The following LPIN1 variants were observed in gnomAD, a reference collection of about 807,000 sequenced individuals.
LPIN1 encodes the protein phosphatidate phosphatase LPIN1.
In LPIN1, 71 loss-of-function variants were observed where a neutral mutation model predicts 107.5. That is an observed-to-expected ratio of 0.66 (90% CI 0.55 to 0.80). The LOEUF is 0.80. Ranked by LOEUF, LPIN1 falls within the 30% of genes least tolerant of loss-of-function variation. The pLI, the probability that LPIN1 is intolerant of heterozygous loss-of-function variation, is 0.00. For synonymous variants in LPIN1, 445 were observed against 452.6 expected (o/e 0.98, Z 0.21); for missense variants, 1,043 against 1,160.6 (o/e 0.90, Z 1.47).
chr2:11,704,247 C>T (rs146787856), intron 1 of LPIN1, among the ~76,000 whole-genome samples: 19 of 152,322 alleles, frequency 1.2e-4, no homozygotes, highest in African/African-American at 3.8e-4. Flanking sequence ...TATCTCTCAA[C>T]GGAAGGAGTA....
chr2:11,760,129 G>GA (rs1669533626), intron 1 of LPIN1, among the ~76,000 whole-genome samples: 1 of 119,182 alleles, frequency 8.4e-6, no homozygotes, highest in Non-Finnish European at 1.8e-5. Flanking sequence ...ATGGGCGGCC[G>GA]GGCAGAGATG....
chr2:11,722,812 G>C (rs956813802), upstream of LPIN1, among the ~76,000 whole-genome samples: 1 of 152,200 alleles, frequency 6.6e-6, no homozygotes, highest in African/African-American at 2.4e-5. Flanking sequence ...AAATACTACA[G>C]AAGAGCCTAG....
intron 2 of LPIN1, chr2:11,741,490 T>A: frequency 7.7e-7 from 1 of 1,301,816 alleles, no homozygotes. Context: ...AGATAAATAA[T>A]ATTGTTTGGC....
rs1025909777 is a variant in LPIN1 at position 11,760,690 on chromosome 2, G to A, written c.-9-4843G>A. On this transcript the variant is annotated intron_variant, in intron 1 of 20. Transcript: ENST00000674199. The stretch of plus-strand genomic sequence containing the variant: ...ACCGTGGAAAGAGGGACAGGGAGAC[G>A]GTGGGGAGAGGGAGACCATGGGGAG... 2.6e-5 allele frequency among the ~76,000 whole-genome samples: 4 copies of A among 152,112 alleles called. No individual in the cohort carries two copies. In the East Asian group the frequency reaches 7.7e-4, roughly 29 times the overall value.
intron 1 of LPIN1, among the ~76,000 whole-genome samples, chr2:11,760,799 C>T (rs1049311137): frequency 6.6e-6 from 1 of 152,144 alleles, no homozygotes; most frequent in Non-Finnish European, 1.5e-5. Flanking sequence ...AACAGTAGTT[C>T]GTAGATGTGC....
chr2:11,718,373 G>A (rs1663892898), intron 2 of LPIN1, among the ~76,000 whole-genome samples: 1 of 151,716 alleles, frequency 6.6e-6, no homozygotes, highest in Non-Finnish European at 1.5e-5. Context: ...GATTACAGGT[G>A]CCCACTACCA....
In LPIN1 at chr2:11,765,239, G is replaced by GCCCTGATGGA. The variant is rs1170979311; in HGVS notation, c.-9-274_-9-265dup. 2.0e-5 allele frequency among the ~76,000 whole-genome samples: 3 copies of GCCCTGATGGA among 151,896 alleles called. No homozygotes were observed. The highest frequency in any genetic ancestry group is 2.9e-5 in the Non-Finnish European group (2 of 67,962). ...GATGGACACTGATGGGCCATGATGGGCCCTGATGGACCCTGATGGACCCTG... is the reference window on the plus strand; with the variant it reads ...GATGGACACTGATGGGCCATGATGGGCCCTGATGGACCCTGATGGACCCTGATGGACCCTG... On this transcript the variant is annotated intron_variant, in intron 1 of 20. Coordinates refer to ENST00000674199, the MANE Select transcript of LPIN1 (RefSeq NM_001349206.2). This position sits in a 1 kb window ranked among gnomAD's most constrained non-coding sequence, Gnocchi z 4.4.
intron 1 of LPIN1, among the ~76,000 whole-genome samples, chr2:11,728,707 TG>T (rs1193499972): frequency 6.6e-6 from 1 of 151,756 alleles, no homozygotes; most frequent in Non-Finnish European, 1.5e-5. Flanking sequence ...ATCTGTTCTT[TG>T]TTTTTTTTCT....
intron 1 of LPIN1, among the ~76,000 whole-genome samples, chr2:11,761,162 C>T (rs888699115): frequency 6.8e-6 from 1 of 147,632 alleles, no homozygotes; most frequent in Non-Finnish European, 1.5e-5. Flanking sequence ...ACTGCTTGCA[C>T]GTAGTTTTAG....
intron 2 of LPIN1, among the ~76,000 whole-genome samples, chr2:11,716,696 T>C (rs1013014541): frequency 1.3e-5 from 2 of 152,152 alleles, no homozygotes; most frequent in Admixed American, 1.3e-4. Flanking sequence ...ACTGGAGACA[T>C]GTTTGAGGGA....
intron 1 of LPIN1, among the ~76,000 whole-genome samples, chr2:11,752,710 C>T (rs1363129782): frequency 2.0e-5 from 3 of 152,184 alleles, no homozygotes; most frequent in South Asian, 4.1e-4. Flanking sequence ...GGATTACAGG[C>T]GTGAGCCACC....
At chr2:11,709,565 G>T (rs1047178576) in intron 1 of LPIN1, among the ~76,000 whole-genome samples, 1 of 152,182 alleles carries the variant, frequency 6.6e-6, no homozygotes. Context: ...CAACCATAAT[G>T]CTTTTAGGTC....
chr2:11,737,580 T>C (rs895151725), intron 1 of LPIN1, among the ~76,000 whole-genome samples: 2 of 152,202 alleles, frequency 1.3e-5, no homozygotes, highest in African/African-American at 4.8e-5. Context: ...GCAAAGGATA[T>C]GAACAGACAG....
At chr2:11,792,729 C>T (rs763261632) in intron 13 of LPIN1, among the ~76,000 whole-genome samples, 40 of 152,322 alleles carry the variant, frequency 2.6e-4, no homozygotes, top group Non-Finnish European at 5.6e-4. Flanking sequence ...TTGACTAATT[C>T]TCTGAGTCCT....
Position 11,786,910 on chromosome 2 carries a change from T to G in LPIN1, c.1550-164T>G. 1 of 661,988 alleles carries G rather than the reference T, an allele frequency of 1.5e-6. No homozygotes were observed. Among genetic ancestry groups the G allele is most frequent in the South Asian group, 1.6e-5 (1 of 60,662 alleles). The allele number at this position is 661,988 out of a possible 1,614,324, so 41.0% of individuals were successfully genotyped here. ...TGCTGCACAGACGCCGCCTTCCAGGTAAAATGGTGCGGCCTTTACAAATAC... is the reference window on the plus strand; with the variant it reads ...TGCTGCACAGACGCCGCCTTCCAGGGAAAATGGTGCGGCCTTTACAAATAC... On this transcript the variant is annotated intron_variant, in intron 10 of 20. Coordinates refer to ENST00000674199, the MANE Select transcript of LPIN1 (RefSeq NM_001349206.2). The surrounding 1 kb of genome is among the most constrained non-coding windows in gnomAD (Gnocchi z 4.1).
chr2:11,826,434 A>G lies in LPIN1; in HGVS notation c.*1643A>G, dbSNP rs1212340591. 6.6e-6 allele frequency: 1 copy of G among 151,804 alleles called. No homozygotes were observed. Among genetic ancestry groups the G allele is most frequent in the Non-Finnish European group, 1.5e-5 (1 of 67,982 alleles). 9.4% of individuals were successfully genotyped at this position (151,804 alleles called of 1,614,324 possible). ...TTTGCAGGTATTAAAAATAATTAAAAATAGTCCTGCCTGAGGTTGCAGTGA... is the reference window on the plus strand; with the variant it reads ...TTTGCAGGTATTAAAAATAATTAAAGATAGTCCTGCCTGAGGTTGCAGTGA... On this transcript the variant is annotated 3_prime_UTR_variant, in exon 21 of 21. Transcript: ENST00000674199.
chr2:11,711,895 A>G (rs568956207), intron 1 of LPIN1, among the ~76,000 whole-genome samples: 1 of 152,312 alleles, frequency 6.6e-6, no homozygotes, highest in Non-Finnish European at 1.5e-5. Context: ...CTGCTCTCAC[A>G]CTGCTCTGAG....
At chr2:11,753,851 GTTT>G (rs35222810) in intron 1 of LPIN1, among the ~76,000 whole-genome samples, 1 of 152,196 alleles carries the variant, frequency 6.6e-6, no homozygotes, top group African/African-American at 2.4e-5. Flanking sequence ...AGCTTTTTGT[GTTT>G]TTAAATGCTT....
chr2:11,695,575 G>A (rs1662531796), intron 1 of LPIN1, among the ~76,000 whole-genome samples: 1 of 152,204 alleles, frequency 6.6e-6, no homozygotes, highest in African/African-American at 2.4e-5. Context: ...GTTAACTTCA[G>A]GTTCTTTCCT....
Sources: allele counts gnomAD v4.1 joint callset (sites outside exome capture counted in the v4.1 genomes callset), GRCh38; gene constraint gnomAD v4.1.1; non-coding constraint Gnocchi (gnomAD v3.1); transcripts MANE v1.5; gene names NCBI Gene and HGNC (gene_info 2026-07-23, HGNC 2026-07-21).